Variants in ATF2 observed in about 807,000 individuals in gnomAD.
ATF2 encodes the protein activating transcription factor 2.
In ATF2, 24 loss-of-function variants were observed where a neutral mutation model predicts 60.6. The ratio of observed to expected loss-of-function variants is 0.40; its 90% CI spans 0.29 to 0.56. ATF2 has a LOEUF of 0.56. ATF2 is among the 20% of genes least tolerant of loss of function. The pLI is 0.54. For synonymous variants in ATF2, 206 were observed against 215.4 expected, an observed-to-expected ratio of 0.96 and a Z score of 0.38; for missense variants, 433 against 607.7, an observed-to-expected ratio of 0.71 and a Z score of 3.02.
At chr2:175,123,451 C>G (rs1370568327) in intron 4 of ATF2, among the ~76,000 whole-genome samples, 1 of 151,994 alleles carries the variant, frequency 6.6e-6, no homozygotes, top group African/African-American at 2.4e-5. Flanking sequence ...GATTTTAAAA[C>G]TGCAAACTCA....
rs1188737213 is a variant in ATF2 at position 175,114,673 on chromosome 2, T to G, written c.626+17A>C. ...TTAATTCATGTATATGTTCAATGAT[T>G]GGCCTGAATCACTTACACAATTGGC... On this transcript the variant is annotated intron_variant, in intron 8 of 13. Transcript: ENST00000264110. 53 of 1,605,710 alleles carry G rather than the reference T, an allele frequency of 3.3e-5. No individual in the cohort carries two copies. Among genetic ancestry groups the G allele is most frequent in the Non-Finnish European group, 4.5e-5 (53 of 1,174,144 alleles).
intron 12 of ATF2, among the ~76,000 whole-genome samples, chr2:175,082,213 G>A (rs950227717): frequency 6.6e-6 from 1 of 152,156 alleles, no homozygotes; most frequent in African/African-American, 2.4e-5. Context: ...CTACATCACT[G>A]TATTTAAGTA....
chr2:175,157,261 A>G (rs571264005), intron 1 of ATF2, among the ~76,000 whole-genome samples: 2 of 152,356 alleles, frequency 1.3e-5, no homozygotes, highest in East Asian at 3.9e-4. Context: ...CAGAAAAACA[A>G]TAAGGCTGGA....
intron 10 of ATF2, among the ~76,000 whole-genome samples, chr2:175,098,743 T>A (rs1695109671): frequency 6.6e-6 from 1 of 152,164 alleles, no homozygotes; most frequent in Admixed American, 6.5e-5. Context: ...GACCCCCAAA[T>A]AATACCAGTA....
intron 1 of ATF2, among the ~76,000 whole-genome samples, chr2:175,161,474 A>C (rs1388061735): frequency 6.6e-6 from 1 of 152,234 alleles, no homozygotes; most frequent in Non-Finnish European, 1.5e-5. Context: ...TATTCTCCTT[A>C]AAGAGAAGGA....
intron 7 of ATF2, 145 bp downstream of exon 7, chr2:175,117,845 A>G: frequency 1.2e-6 from 1 of 842,198 alleles, no homozygotes; most frequent in Non-Finnish European, 1.6e-6. Flanking sequence ...ACCCTGAAAT[A>G]TCTGAGTATT....
At position 175,088,588 on chromosome 2, in the gene ATF2, T is replaced by C. The variant is rs1181636161; in HGVS notation, c.1185+4473A>G. Among the ~76,000 whole-genome samples, 3 of 151,914 alleles carry C rather than the reference T, an allele frequency of 2.0e-5. No homozygotes were observed. The East Asian group carries it at 5.9e-4, about 30-fold the overall frequency. On this transcript the variant is annotated intron_variant, in intron 12 of 13. Transcript: ENST00000264110. ...GCAAACGGAATCACAGTTTTTGCCA[T>C]TAAAAGTATGTTTTGCCGTTACCTT...
intron 10 of ATF2, among the ~76,000 whole-genome samples, chr2:175,110,307 C>T (rs2105672259): frequency 6.8e-6 from 1 of 147,472 alleles, no homozygotes; most frequent in East Asian, 1.9e-4. Flanking sequence ...TGTACTCCAG[C>T]CTGGGTGAGA....
chr2:175,114,398 G>T lies in ATF2; in HGVS notation c.627-290C>A, dbSNP rs901580150. On this transcript the variant is annotated intron_variant, in intron 8 of 13. Transcript: ENST00000264110. The stretch of plus-strand genomic sequence containing the variant: ...CTCTTGGGAGCTACCAGTAAGAACT[G>T]AAAGAAATGGAATCTGGTGATGCAG... The T allele has an allele frequency of 3.2e-6, 4 of 1,248,492 alleles. No homozygotes were observed. In the African/African-American group the frequency reaches 6.2e-5, roughly 19 times the overall value. The allele number at this position is 1,248,492 out of a possible 1,614,324, so 77.3% of individuals were successfully genotyped here. A position where few individuals can be genotyped will look rare whatever the true frequency, so the allele number is the denominator to read the frequency against.
intron 10 of ATF2, among the ~76,000 whole-genome samples, chr2:175,107,970 C>T (rs1574383511): frequency 6.6e-6 from 1 of 150,720 alleles, no homozygotes; most frequent in African/African-American, 2.4e-5. Context: ...CGAGATTGCA[C>T]CCTCTGCCCA....
chr2:175,167,576 TCGCTTGA>T, intron 1 of ATF2: 1 of 471,462 alleles, frequency 2.1e-6, no homozygotes, highest in Admixed American at 2.3e-5. Context: ...CGGTCCTCAA[TCGCTTGA>T]ATACTGGGTG....
intron 4 of ATF2, among the ~76,000 whole-genome samples, chr2:175,125,049 T>C (rs986659736): frequency 6.6e-6 from 1 of 152,102 alleles, no homozygotes; most frequent in African/African-American, 2.4e-5. Context: ...TGAAGTTGTA[T>C]TGTCACCAAA....
At chr2:175,147,237 C>T (rs1699023141) in intron 2 of ATF2, among the ~76,000 whole-genome samples, 1 of 152,114 alleles carries the variant, frequency 6.6e-6, no homozygotes, top group Admixed American at 6.5e-5. Context: ...TCAATATTCC[C>T]ATGTCATTTT....
At chr2:175,134,854 G>A (rs62184512) in intron 3 of ATF2, among the ~76,000 whole-genome samples, 4,782 of 151,320 alleles carry the variant, frequency 0.032, 117 homozygotes, top group Admixed American at 0.092. Flanking sequence ...TGGTAGTGTC[G>A]TGGTAGCGTC....
chr2:175,152,456 G>A (rs1699371921), intron 1 of ATF2, among the ~76,000 whole-genome samples: 1 of 152,168 alleles, frequency 6.6e-6, no homozygotes, highest in Non-Finnish European at 1.5e-5. Flanking sequence ...GTCAAGGTGA[G>A]AATGAGTAAG....
chr2:175,113,669 G>A (rs1696359735), intron 9 of ATF2, among the ~76,000 whole-genome samples: 1 of 151,778 alleles, frequency 6.6e-6, no homozygotes, highest in African/African-American at 2.4e-5. Flanking sequence ...ATACCACAGA[G>A]TTACCTGACA....
chr2:175,136,605 C>T (rs1698156870), intron 2 of ATF2, 119 bp from the exon 3 acceptor site: 1 of 634,986 alleles, frequency 1.6e-6, no homozygotes, highest in Non-Finnish European at 2.8e-6. Context: ...AAACTAGTCA[C>T]TATTAACAAT....
At chr2:175,076,071 T>C (rs1693268529) in intron 13 of ATF2, among the ~76,000 whole-genome samples, 1 of 152,122 alleles carries the variant, frequency 6.6e-6, no homozygotes. Context: ...GTGGACATCT[T>C]ATGAAGCAGG....
chr2:175,155,001 G>C (rs1699580904), intron 1 of ATF2, among the ~76,000 whole-genome samples: 1 of 152,178 alleles, frequency 6.6e-6, no homozygotes, highest in South Asian at 2.1e-4. Flanking sequence ...CCCTGTGGGA[G>C]GACAGGAGGT....
Sources: gnomAD v4.1 joint callset for allele counts (sites outside exome capture counted in the v4.1 genomes callset) on GRCh38, gnomAD v4.1.1 for gene constraint, MANE v1.5 for transcripts, NCBI Gene and HGNC (gene_info 2026-07-23, HGNC 2026-07-21) for gene names.